TENM2: variants seen among roughly 807,000 people sequenced by gnomAD.
TENM2 encodes the protein teneurin transmembrane protein 2.
In TENM2, 52 loss-of-function variants were observed where a neutral mutation model predicts 245.2. That is an observed-to-expected ratio of 0.21 (90% CI 0.17 to 0.27). The LOEUF is 0.27. TENM2 is among the 10% of genes least tolerant of loss of function. The probability of loss-of-function intolerance (pLI) is 1.00; values close to 1 mark genes in which losing one functional copy is unlikely to be tolerated. For synonymous variants in TENM2, 1,363 were observed against 1,438.9 expected (o/e 0.95, Z 1.19); for missense variants, 3,046 against 3,666.8 (o/e 0.83, Z 4.37).
chr5:167,453,730 C>T (rs1582091442), intron 2 of TENM2, among the ~76,000 whole-genome samples: 1 of 152,260 alleles, frequency 6.6e-6, no homozygotes, highest in Non-Finnish European at 1.5e-5. Flanking sequence ...GGACTAGGCC[C>T]ATGAACTGTA....
intron 7 of TENM2, among the ~76,000 whole-genome samples, chr5:168,078,540 T>C (rs1352571858): frequency 2.0e-5 from 3 of 152,222 alleles, no homozygotes; most frequent in African/African-American, 7.2e-5. Context: ...CTAGGTTTTC[T>C]TCTAGGGTTT....
At chr5:168,063,323 A>C (rs147755966) in intron 7 of TENM2, among the ~76,000 whole-genome samples, 17 of 152,280 alleles carry the variant, frequency 1.1e-4, no homozygotes, top group Non-Finnish European at 1.9e-4. Flanking sequence ...TATGGATTTC[A>C]TTATTTTTTC....
chr5:168,255,932 A>C (rs1431832367), intron 27 of TENM2, among the ~76,000 whole-genome samples: 1 of 151,844 alleles, frequency 6.6e-6, no homozygotes, highest in Non-Finnish European at 1.5e-5. Context: ...CGGCCTCCTG[A>C]GTAGCTGGGA....
intron 2 of TENM2, among the ~76,000 whole-genome samples, chr5:167,751,975 CAT>C (rs1491150493): frequency 4.6e-5 from 7 of 151,238 alleles, no homozygotes; most frequent in East Asian, 1.9e-4. Context: ...CACACACACA[CAT>C]GCGCGCACAC....
At chr5:167,580,632 C>G (rs1012442487) in intron 2 of TENM2, among the ~76,000 whole-genome samples, 9 of 152,236 alleles carry the variant, frequency 5.9e-5, no homozygotes, top group Admixed American at 6.5e-5. Context: ...ACAGGAGTCA[C>G]CAGACCACCT....
At chr5:167,112,843 G>C in the TENM2 span, among the ~76,000 whole-genome samples, 2 of 152,198 alleles carry the variant, frequency 1.3e-5, no homozygotes, top group African/African-American at 4.8e-5. Context: ...GGAGCAATTA[G>C]AGTAGAGGTG....
chr5:167,049,520 A>C, the TENM2 span, among the ~76,000 whole-genome samples: 1 of 152,268 alleles, frequency 6.6e-6, no homozygotes, highest in East Asian at 1.9e-4. Flanking sequence ...CTGTGTATAC[A>C]TCAAACTATA....
At chr5:167,348,285 G>A (rs954922784) in intron 1 of TENM2, among the ~76,000 whole-genome samples, 2 of 152,138 alleles carry the variant, frequency 1.3e-5, no homozygotes, top group African/African-American at 2.4e-5. Context: ...GATTTCGAGT[G>A]TTTAATTGAA....
chr5:167,632,824 G>A (rs975807260), intron 2 of TENM2, among the ~76,000 whole-genome samples: 5 of 152,036 alleles, frequency 3.3e-5, no homozygotes, highest in African/African-American at 7.3e-5. Context: ...CCCTGCTCTC[G>A]ATCACACTGC....
the TENM2 span, among the ~76,000 whole-genome samples, chr5:167,115,721 G>C: frequency 6.6e-6 from 1 of 152,178 alleles, no homozygotes; most frequent in Non-Finnish European, 1.5e-5. Flanking sequence ...ATTATGGTGT[G>C]AGAAAACGTA....
At chr5:167,773,084 T>C (rs1763509453) in intron 2 of TENM2, among the ~76,000 whole-genome samples, 1 of 152,202 alleles carries the variant, frequency 6.6e-6, no homozygotes, top group Non-Finnish European at 1.5e-5. Context: ...ATGGAATATA[T>C]TGAAATGATA....
chr5:167,844,093 G>C (rs1027539551), intron 2 of TENM2, among the ~76,000 whole-genome samples: 5 of 152,150 alleles, frequency 3.3e-5, no homozygotes, highest in African/African-American at 1.2e-4. Flanking sequence ...GTGTCCAGGT[G>C]GCTTTAGTTA....
chr5:167,963,721 C>T (rs985008313), intron 4 of TENM2, among the ~76,000 whole-genome samples: 2 of 152,150 alleles, frequency 1.3e-5, no homozygotes, highest in Admixed American at 1.3e-4. Flanking sequence ...TTCCTCTCTG[C>T]ATTGCTCTCT....
chr5:167,423,125 T>C (rs1339634741), intron 2 of TENM2, among the ~76,000 whole-genome samples: 1 of 152,084 alleles, frequency 6.6e-6, no homozygotes, highest in African/African-American at 2.4e-5. Context: ...AAATACACAT[T>C]GTTAGTGTCA....
intron 4 of TENM2, among the ~76,000 whole-genome samples, chr5:167,953,651 A>G (rs572181307): frequency 5.3e-5 from 8 of 152,288 alleles, no homozygotes; most frequent in South Asian, 4.1e-4. Flanking sequence ...TTCAAATGCT[A>G]TTGTTTCCTT....
chr5:167,101,849 T>TTATATATAATATATATA, the TENM2 span, among the ~76,000 whole-genome samples: 1 of 69,456 alleles, frequency 1.4e-5, no homozygotes, highest in Non-Finnish European at 2.6e-5. Flanking sequence ...ATATATATAT[T>TTATATATAATATATATA]TATATATATA....
At position 167,993,144 on chromosome 5, in the gene TENM2, C is replaced by T. The variant is rs752526514; in HGVS notation, c.1148C>T (p.Ala383Val). 12 of 1,613,888 alleles carry T rather than the reference C, an allele frequency of 7.4e-6. No homozygotes were observed. The highest frequency in any genetic ancestry group is 6.7e-5 in the African/African-American group (5 of 74,928). The change falls in exon 5 of 29, where the codon GCG becomes GTG. Residue 383 changes from alanine (A) to valine (V), a missense_variant. This residue lies in a region of TENM2 where 2,704 missense variants were observed against 3,331.9 expected (regional missense o/e 0.81). Transcript: ENST00000518659. ...TGTGCTGCCCTCTCCGCCATTGCCG[C>T]GGCCCTCCTCTTGGCTATTTTGCTG... is the stretch of plus-strand genomic sequence containing the variant.
At chr5:167,016,554 T>C in the TENM2 span, among the ~76,000 whole-genome samples, 1 of 152,214 alleles carries the variant, frequency 6.6e-6, no homozygotes, top group East Asian at 1.9e-4. Flanking sequence ...ACAAAGTTCT[T>C]ATCTGACTGA....
the TENM2 span, among the ~76,000 whole-genome samples, chr5:167,022,018 T>C: frequency 1.3e-5 from 2 of 152,222 alleles, no homozygotes; most frequent in Admixed American, 1.3e-4. Flanking sequence ...TTGATTCAAT[T>C]GTCCAAATTA....
Sources: gnomAD v4.1 joint callset for allele counts (sites outside exome capture counted in the v4.1 genomes callset) on GRCh38, gnomAD v4.1.1 for gene constraint, gnomAD v4.1.1 regional missense constraint, MANE v1.5 for transcripts, NCBI Gene and HGNC (gene_info 2026-07-23, HGNC 2026-07-21) for gene names.